The following PTPRT variants were observed in gnomAD, a reference collection of about 807,000 sequenced individuals.
PTPRT encodes protein tyrosine phosphatase receptor type T, also known as receptor-type tyrosine-protein phosphatase T.
Under a neutral mutation model 176.8 loss-of-function variants are expected in PTPRT, and 56 were observed. The ratio of observed to expected loss-of-function variants is 0.32; its 90% CI spans 0.26 to 0.40. The LOEUF (loss-of-function observed/expected upper bound fraction) is 0.40, where lower values mean the gene tolerates loss of function less well. PTPRT is among the 10% of genes least tolerant of loss of function. The pLI, the probability that PTPRT is intolerant of heterozygous loss-of-function variation, is 1.00. For synonymous variants in PTPRT, 783 were observed against 739.0 expected (o/e 1.06, Z -0.96); for missense variants, 1,540 against 1,908.2 (o/e 0.81, Z 3.60).
At chr20:42,553,674 C>A (rs1272470826) in intron 7 of PTPRT, among the ~76,000 whole-genome samples, 2 of 152,096 alleles carry the variant, frequency 1.3e-5, no homozygotes, top group South Asian at 2.1e-4. Flanking sequence ...TTTACACACA[C>A]CTTTTTATTT....
intron 2 of PTPRT, among the ~76,000 whole-genome samples, chr20:42,801,390 T>C (rs1213622677): frequency 6.6e-6 from 1 of 152,178 alleles, no homozygotes; most frequent in African/African-American, 2.4e-5. Flanking sequence ...ACTGCATCCC[T>C]AACTCCACTG....
At chr20:43,135,060 C>G (rs559218899) in intron 1 of PTPRT, among the ~76,000 whole-genome samples, 1 of 152,126 alleles carries the variant, frequency 6.6e-6, no homozygotes, top group African/African-American at 2.4e-5. Context: ...TGCAAAACTG[C>G]CCCCAGTTGA....
Position 42,919,449 on chromosome 20 carries a change from C to T in PTPRT, c.89-33517G>A, listed in dbSNP as rs1217034985. Among the ~76,000 whole-genome samples, 5 of 152,322 alleles carry T rather than the reference C, an allele frequency of 3.3e-5. No homozygotes were observed. In the East Asian group the frequency reaches 7.7e-4, roughly 24 times the overall value. ...CAAAGACATGAGAGTGATGGCTGGTCTGTGGGGCTGCCCCAGAGATGCCAG... is the reference window on the plus strand; with the variant it reads ...CAAAGACATGAGAGTGATGGCTGGTTTGTGGGGCTGCCCCAGAGATGCCAG... On this transcript the variant is annotated intron_variant, in intron 1 of 30. Coordinates refer to ENST00000373187, the MANE Select transcript of PTPRT (RefSeq NM_007050.6).
intron 16 of PTPRT, among the ~76,000 whole-genome samples, chr20:42,166,139 G>A (rs1989815464): frequency 6.6e-6 from 1 of 152,174 alleles, no homozygotes; most frequent in South Asian, 2.1e-4. Flanking sequence ...GTAGGCTAAT[G>A]TATGGGACAA....
intron 15 of PTPRT, among the ~76,000 whole-genome samples, chr20:42,228,728 C>T (rs762300165): frequency 1.3e-5 from 2 of 152,206 alleles, no homozygotes; most frequent in African/African-American, 2.4e-5. Flanking sequence ...CATATAACCA[C>T]TCATGTATCT....
intron 2 of PTPRT, among the ~76,000 whole-genome samples, chr20:42,875,541 T>A (rs2078916239): frequency 6.6e-6 from 1 of 152,218 alleles, no homozygotes; most frequent in African/African-American, 2.4e-5. Flanking sequence ...TCTTGTCTTT[T>A]ATTTGGGCAC....
At chr20:42,453,228 A>T (rs1568893199) in intron 8 of PTPRT, among the ~76,000 whole-genome samples, 1 of 151,918 alleles carries the variant, frequency 6.6e-6, no homozygotes, top group Non-Finnish European at 1.5e-5. Flanking sequence ...CTGCAGTTGC[A>T]TTTTTTTTCT....
chr20:42,923,850 T>C (rs1017261676), intron 1 of PTPRT, among the ~76,000 whole-genome samples: 1 of 152,022 alleles, frequency 6.6e-6, no homozygotes, highest in Non-Finnish European at 1.5e-5. Flanking sequence ...CTTTTCTTTT[T>C]TTTTTCCTTA....
intron 7 of PTPRT, among the ~76,000 whole-genome samples, chr20:42,644,395 C>T (rs1370064468): frequency 6.6e-6 from 1 of 152,196 alleles, no homozygotes; most frequent in African/African-American, 2.4e-5. Context: ...TTTATCAGTA[C>T]AGCCTTCCAG....
chr20:42,905,916 G>A (rs1324124845), intron 1 of PTPRT, among the ~76,000 whole-genome samples: 3 of 151,538 alleles, frequency 2.0e-5, no homozygotes, highest in Non-Finnish European at 2.9e-5. Flanking sequence ...GGGGCCTGTC[G>A]GGGGGTAGGG....
At chr20:43,036,862 T>C (rs1306484228) in intron 1 of PTPRT, among the ~76,000 whole-genome samples, 1 of 152,166 alleles carries the variant, frequency 6.6e-6, no homozygotes, top group African/African-American at 2.4e-5. Context: ...AAAAAAATGG[T>C]CAATCAACTT....
At chr20:42,477,636 T>C (rs1393621565) in intron 7 of PTPRT, among the ~76,000 whole-genome samples, 1 of 152,154 alleles carries the variant, frequency 6.6e-6, no homozygotes, top group Non-Finnish European at 1.5e-5. Flanking sequence ...GTTTGTTGAA[T>C]TTACATCCCC....
intron 1 of PTPRT, among the ~76,000 whole-genome samples, chr20:43,143,904 C>G (rs535394688): frequency 8.9e-4 from 136 of 152,264 alleles, no homozygotes; most frequent in Admixed American, 1.4e-3. Context: ...TGAGTGCCTT[C>G]TATAGGGTCA....
intron 5 of PTPRT, among the ~76,000 whole-genome samples, chr20:42,764,769 A>C (rs2076959860): frequency 6.6e-6 from 1 of 152,228 alleles, no homozygotes; most frequent in South Asian, 2.1e-4. Flanking sequence ...GTAAGCACTT[A>C]GTAAACATCA....
intron 11 of PTPRT, among the ~76,000 whole-genome samples, chr20:42,328,569 G>A (rs951104343): frequency 2.0e-5 from 3 of 152,054 alleles, no homozygotes; most frequent in African/African-American, 4.8e-5. Context: ...GATCATATAA[G>A]TAGATACCAA....
chr20:42,590,891 A>C (rs1479701298), intron 7 of PTPRT, among the ~76,000 whole-genome samples: 3 of 151,878 alleles, frequency 2.0e-5, no homozygotes, highest in African/African-American at 7.3e-5. Flanking sequence ...AACATCAAAA[A>C]GTGCAGAAAT....
At chr20:43,099,732 C>T (rs1350761843) in intron 1 of PTPRT, among the ~76,000 whole-genome samples, 4 of 152,188 alleles carry the variant, frequency 2.6e-5, no homozygotes, top group Non-Finnish European at 4.4e-5. Flanking sequence ...TCAGGCCCAT[C>T]TTTAACAGCT....
chr20:42,470,573 C>A (rs578068606), intron 8 of PTPRT, among the ~76,000 whole-genome samples: 77 of 152,128 alleles, frequency 5.1e-4, no homozygotes, highest in African/African-American at 1.8e-3. Flanking sequence ...GGAGGGGAAA[C>A]TGAAATATGG....
intron 1 of PTPRT, among the ~76,000 whole-genome samples, chr20:42,963,853 C>G (rs370979866): frequency 6.6e-6 from 1 of 152,082 alleles, no homozygotes; most frequent in Non-Finnish European, 1.5e-5. Context: ...AAGAGTAAAA[C>G]CAAAAGCAGA....
Sources: gnomAD v4.1 joint callset for allele counts (sites outside exome capture counted in the v4.1 genomes callset) on GRCh38, gnomAD v4.1.1 for gene constraint, MANE v1.5 for transcripts, NCBI Gene and HGNC (gene_info 2026-07-23, HGNC 2026-07-21) for gene names.